The following PSG2 variants were observed in gnomAD, a reference collection of about 807,000 sequenced individuals.
The protein encoded by PSG2 is pregnancy specific beta-1-glycoprotein 2, also known as pregnancy-specific beta-1-glycoprotein 2.
In PSG2, 49 loss-of-function variants were observed where a neutral mutation model predicts 36.2. The ratio of observed to expected loss-of-function variants is 1.35; its 90% CI spans 1.08 to 1.72. The LOEUF (loss-of-function observed/expected upper bound fraction) is 1.72, where lower values mean the gene tolerates loss of function less well. Among genes scored for constraint, PSG2 ranks in the 40% most tolerant of loss-of-function variants. The pLI, the probability that PSG2 is intolerant of heterozygous loss-of-function variation, is 0.00. For missense variants in PSG2, 605 were observed against 407.2 expected (o/e 1.49, Z -4.18); for synonymous variants, 261 against 155.6 (o/e 1.68, Z -5.04).
intron 1 of PSG2, 60 bp downstream of exon 1, chr19:43,082,446 G>T (rs1291831099): frequency 4.8e-5 from 76 of 1,590,156 alleles, no homozygotes; most frequent in Middle Eastern, 1.7e-4. Context: ...CTCTCCAGGA[G>T]ACCCCATCCA....
At position 43,071,697 on chromosome 19, in the gene PSG2, T is replaced by G. The variant is rs1417891333; in HGVS notation, c.964+3A>C. ...ACTGCCAAGGATGCTGGGATCCACT[T>G]ACCAGAGACTTTGACTGTCAACGAT... On this transcript the variant is annotated splice_donor_region_variant and intron_variant, in intron 4 of 5. Transcript: ENST00000406487. 6.2e-7 allele frequency: 1 copy of G among 1,612,842 alleles called. No individual in the cohort carries two copies. Among genetic ancestry groups the G allele is most frequent in the African/African-American group, 1.3e-5 (1 of 74,462 alleles).
intron 3 of PSG2, 22 bp downstream of exon 3, chr19:43,075,332 C>T (rs775634977): frequency 6.2e-7 from 1 of 1,613,162 alleles, no homozygotes; most frequent in East Asian, 2.2e-5. Flanking sequence ...GTCTGGCCCA[C>T]AGAGGAACAG....
intron 2 of PSG2, among the ~76,000 whole-genome samples, chr19:43,079,186 CAG>C (rs1217532414): frequency 1.3e-5 from 2 of 151,470 alleles, no homozygotes; most frequent in Non-Finnish European, 2.9e-5. Flanking sequence ...CACAGAGAAG[CAG>C]AGAGAGGCAG....
rs1185926285 is a variant in PSG2, at chr19:43,080,748, A to T, written c.430+133T>A. 3 of 1,562,160 alleles carry T rather than the reference A, an allele frequency of 1.9e-6. No individual in the cohort carries two copies. The East Asian group carries it at 6.7e-5, about 35-fold the overall frequency. On this transcript the variant is annotated intron_variant, in intron 2 of 5. Coordinates refer to ENST00000406487, the MANE Select transcript of PSG2 (RefSeq NM_031246.4). ...GTCTCCTCTGTGTGTGTCCTGCACTAAATGCCCAAACCCCAGCATGGGACA... is the reference window on the plus strand; with the variant it reads ...GTCTCCTCTGTGTGTGTCCTGCACTTAATGCCCAAACCCCAGCATGGGACA...
In PSG2 at chr19:43,081,068, T is replaced by C. The variant is rs141902760; in HGVS notation, c.243A>G (p.Ser81=). 10 of 1,612,696 alleles carry C rather than the reference T, an allele frequency of 6.2e-6. No individual in the cohort carries two copies. The highest frequency in any genetic ancestry group is 2.2e-5 in the East Asian group (1 of 44,864). Residue 81 remains serine, a synonymous_variant, in exon 2 of 6, where the codon TCA becomes TCG. Coordinates refer to ENST00000406487, the MANE Select transcript of PSG2 (RefSeq NM_031246.4). ...TAATTATTTGACCGTCTACTACATA[T>C]GATGTAATGTAATGGTAGAGGTCCC... The part of the protein sequence containing the change: ...QIRDLYHYIT[S]YVVDGQIIIY...
Position 43,081,044 on chromosome 19 carries a change from AATT to A in PSG2, c.264_266del (p.Ile90del). 5 of 1,612,796 alleles carry A rather than the reference AATT, an allele frequency of 3.1e-6. No homozygotes were observed. The South Asian group carries it at 5.5e-5, about 18-fold the overall frequency. On this transcript the variant is annotated inframe_deletion, in exon 2 of 6. Transcript: ENST00000406487. ...GTCCACTATATGCAGGCCCATATAT[AATT>A]ATTTGACCGTCTACTACATATGATG...
At chr19:43,068,466 A>AAAAAAAG (rs1335710405) in intron 4 of PSG2, among the ~76,000 whole-genome samples, 1 of 147,062 alleles carries the variant, frequency 6.8e-6, no homozygotes, top group African/African-American at 2.6e-5. Context: ...AAAAAAAAAA[A>AAAAAAAG]AAAGAAAGAA....
Position 43,071,956 on chromosome 19 carries a change from T to C in PSG2, c.710-2A>G, listed in dbSNP as rs748484412. On this transcript the variant is annotated splice_acceptor_variant, in intron 3 of 5. Coordinates refer to ENST00000406487, the MANE Select transcript of PSG2 (RefSeq NM_031246.4). LOFTEE classifies it high-confidence loss of function. ...GAATTCTGGGGAGGTCTGGACCATC[T>C]GGAGCAAAGAGAATAAAGCCACAGG... 4 of 1,611,946 alleles carry C rather than the reference T, an allele frequency of 2.5e-6. No homozygotes were observed. The highest frequency in any genetic ancestry group is 3.4e-6 in the Non-Finnish European group (4 of 1,178,946).
chr19:43,079,649 A>T (rs1967943635), intron 2 of PSG2, among the ~76,000 whole-genome samples: 1 of 151,446 alleles, frequency 6.6e-6, no homozygotes, highest in Non-Finnish European at 1.5e-5. Context: ...AGGTTCAGTG[A>T]TGGGGGTTAA....
chr19:43,075,731 C>T, intron 2 of PSG2, 99 bp from the exon 3 acceptor site: 1 of 1,528,196 alleles, frequency 6.5e-7, no homozygotes, highest in Non-Finnish European at 8.8e-7. Context: ...TCTCAGCCCA[C>T]CCAAGTCCTT....
Position 43,072,610 on chromosome 19 carries a change from T to G in PSG2, c.710-656A>C, listed in dbSNP as rs953094266. ...TGGGGTTTAAGTTGTTGATGGTGAT[T>G]TAGGGCTTGGGCAGCTTCGCTGTGT... is the stretch of plus-strand genomic sequence containing the variant. On this transcript the variant is annotated intron_variant, in intron 3 of 5. Coordinates refer to ENST00000406487, the MANE Select transcript of PSG2 (RefSeq NM_031246.4). 469 of 1,611,548 alleles carry G rather than the reference T, an allele frequency of 2.9e-4. 7 individuals carry two copies. In the African/African-American group the frequency reaches 4.2e-3, roughly 15 times the overall value.
At position 43,082,613 on chromosome 19, in the gene PSG2, G is replaced by T; in HGVS notation, c.-44C>A. 1 of 1,604,972 alleles carries T rather than the reference G, an allele frequency of 6.2e-7. No homozygotes were observed. The highest frequency in any genetic ancestry group is 1.1e-5 in the South Asian group (1 of 90,724). On this transcript the variant is annotated 5_prime_UTR_variant, in exon 1 of 6. Coordinates refer to ENST00000406487, the MANE Select transcript of PSG2 (RefSeq NM_031246.4). ...GTTCTCCTCTGTGGAGATGAGCCTA[G>T]GATCCAGAAACTTCCTGAGCACGGC... is the stretch of plus-strand genomic sequence containing the variant.
At position 43,064,644 on chromosome 19, in the gene PSG2, G is replaced by C. The variant is rs886261624; in HGVS notation, c.*41-43C>G. 6 of 576,874 alleles carry C rather than the reference G, an allele frequency of 1.0e-5. No homozygotes were observed. The African/African-American group carries it at 1.2e-4, about 11-fold the overall frequency. The allele number at this position is 576,874 out of a possible 1,614,324, so 35.7% of individuals were successfully genotyped here. On this transcript the variant is annotated intron_variant, in intron 5 of 5. Transcript: ENST00000406487. ...TTTGGACTGTAGGTGATTGTAAGTA[G>C]TTTGAGGAAGAATCAAAGCAACTGT...
In PSG2 at chr19:43,075,362, T is replaced by A. The variant is rs777518053; in HGVS notation, c.701A>T (p.Asn234Ile). ...GAACAGAAGATACTCACGGAGGAGA[T>A]TCAGGGTGACTGGGTCACTGCGGCT... ...SASRSDPVTLNLLHGPDLPRI... is the reference protein window; with the variant it reads ...SASRSDPVTLILLHGPDLPRI... Residue 234 changes from asparagine to isoleucine, a missense_variant, in exon 3 of 6, where the codon AAT becomes ATT. By Grantham distance (149) the Asn-to-Ile change is moderately radical (BLOSUM62 -3). Coordinates refer to ENST00000406487, the MANE Select transcript of PSG2 (RefSeq NM_031246.4). 3 of 1,613,122 alleles carry A rather than the reference T, an allele frequency of 1.9e-6. No homozygotes were observed. Among genetic ancestry groups the A allele is most frequent in the Non-Finnish European group, 2.5e-6 (3 of 1,179,620 alleles).
chr19:43,065,952 A>G (rs1967733663), intron 5 of PSG2: 1 of 153,946 alleles, frequency 6.5e-6, no homozygotes, highest in African/African-American at 2.4e-5. Flanking sequence ...AGGGGCAGGG[A>G]TGTGTAGGAA....
intron 5 of PSG2, chr19:43,065,729 T>C (rs969720243): frequency 2.0e-5 from 3 of 151,778 alleles, no homozygotes; most frequent in Admixed American, 2.0e-4. Flanking sequence ...TTTGAACACA[T>C]GAACTGATCA....
In PSG2 at chr19:43,066,553, G is replaced by A. The variant is rs748958521; in HGVS notation, c.*4C>T. 1.3e-6 allele frequency: 2 copies of A among 1,594,864 alleles called. No homozygotes were observed. The highest frequency in any genetic ancestry group is 8.6e-7 in the Non-Finnish European group (1 of 1,163,218). Reference sequence around the variant, plus strand: ...CCTGAAATACAGAAATGACATCACAGCTGCTATGTTGGATTAAGGAGAGGA... The same window carrying A: ...CCTGAAATACAGAAATGACATCACAACTGCTATGTTGGATTAAGGAGAGGA... On this transcript the variant is annotated 3_prime_UTR_variant, in exon 5 of 6. Coordinates refer to ENST00000406487, the MANE Select transcript of PSG2 (RefSeq NM_031246.4).
chr19:43,077,515 A>G (rs1967913813), intron 2 of PSG2, among the ~76,000 whole-genome samples: 1 of 151,746 alleles, frequency 6.6e-6, no homozygotes, highest in Non-Finnish European at 1.5e-5. Flanking sequence ...TGTGTGAAAT[A>G]GGAAGATTCT....
At chr19:43,067,909 C>G (rs10401404) in intron 4 of PSG2, among the ~76,000 whole-genome samples, 1 of 150,660 alleles carries the variant, frequency 6.6e-6, no homozygotes, top group Non-Finnish European at 1.5e-5. Flanking sequence ...CTCAGATCAA[C>G]AACCTACTTT....
Sources: gnomAD v4.1 joint callset for allele counts (sites outside exome capture counted in the v4.1 genomes callset) on GRCh38, gnomAD v4.1.1 for gene constraint, MANE v1.5 for transcripts, NCBI Gene and HGNC (gene_info 2026-07-23, HGNC 2026-07-21) for gene names.